The following LGALS8 variants were observed in gnomAD, a reference collection of about 807,000 sequenced individuals.
The protein encoded by LGALS8 is galectin-8.
In LGALS8, 30 loss-of-function variants were observed where a neutral mutation model predicts 35.9. The ratio of observed to expected loss-of-function variants is 0.83; its 90% CI spans 0.62 to 1.13. LGALS8 has a LOEUF of 1.13. LGALS8 is among the 50% of genes most tolerant of loss of function. The pLI, the probability that LGALS8 is intolerant of heterozygous loss-of-function variation, is 0.00. For synonymous variants in LGALS8, 138 were observed against 136.1 expected (o/e 1.01, Z -0.10); for missense variants, 366 against 388.7 (o/e 0.94, Z 0.49).
chr1:236,545,858 G>T (rs1005700350), intron 9 of LGALS8, among the ~76,000 whole-genome samples: 8 of 152,128 alleles, frequency 5.3e-5, no homozygotes, highest in Non-Finnish European at 1.2e-4. Flanking sequence ...TTTAGGGCAT[G>T]ATTTGAACAA....
Position 236,526,898 on chromosome 1 carries a change from G to C in LGALS8, c.45+783G>C, listed in dbSNP as rs1660845085. 6.6e-6 allele frequency among the ~76,000 whole-genome samples: 1 copy of C among 152,098 alleles called. No individual in the cohort carries two copies. The highest frequency in any genetic ancestry group is 2.1e-4 in the South Asian group (1 of 4,826). ...TCAAGTTTTTGTCATTTACTTTATA[G>C]CTGTATTTCCTTTTTCCCTAAGTTT... On this transcript the variant is annotated intron_variant, in intron 2 of 9. Coordinates refer to ENST00000366584, the MANE Select transcript of LGALS8 (RefSeq NM_201544.4). This position sits in a 1 kb window ranked among gnomAD's most constrained non-coding sequence, Gnocchi z 4.6.
In LGALS8 at chr1:236,551,870, C is replaced by G. The variant is rs188537250; in HGVS notation, c.*3709C>G. 2.7e-4 allele frequency: 172 copies of G among 645,950 alleles called. No individual in the cohort carries two copies. In the African/African-American group the frequency reaches 2.8e-3, roughly 11 times the overall value. 40.0% of individuals were successfully genotyped at this position (645,950 alleles called of 1,614,324 possible). On this transcript the variant is annotated 3_prime_UTR_variant, in exon 10 of 10. Transcript: ENST00000366584. ...TGCCTGTATTTGAGACTGGAGCTGCCTGTATGAGGACTGGATCAACTGCTA... is the reference window on the plus strand; with the variant it reads ...TGCCTGTATTTGAGACTGGAGCTGCGTGTATGAGGACTGGATCAACTGCTA...
chr1:236,546,940 T>A (rs1470553684), intron 9 of LGALS8, among the ~76,000 whole-genome samples: 1 of 149,850 alleles, frequency 6.7e-6, no homozygotes, highest in Non-Finnish European at 1.5e-5. Context: ...GGCCAGCTGT[T>A]ATCAGAGTGC....
chr1:236,549,848 T>G lies in LGALS8; in HGVS notation c.*1687T>G, dbSNP rs1435795798. 1 of 152,228 alleles carries G rather than the reference T, an allele frequency of 6.6e-6. No individual in the cohort carries two copies. Among genetic ancestry groups the G allele is most frequent in the African/African-American group, 2.4e-5 (1 of 41,468 alleles). The allele number at this position is 152,228 out of a possible 1,614,324, so 9.4% of individuals were successfully genotyped here. ...AAAAAAATTTAAAAAGCTATTAGTA[T>G]TTATTAATGAATTTTACTGAGACAT... On this transcript the variant is annotated 3_prime_UTR_variant, in exon 10 of 10. Coordinates refer to ENST00000366584, the MANE Select transcript of LGALS8 (RefSeq NM_201544.4).
intron 7 of LGALS8, 198 bp downstream of exon 7, chr1:236,542,985 C>T (rs1662108793): frequency 3.7e-6 from 6 of 1,614,078 alleles, no homozygotes; most frequent in Non-Finnish European, 5.1e-6. Flanking sequence ...AAAGATTCGA[C>T]TGTCAATCAC....
upstream of LGALS8, chr1:236,523,813 G>T (rs1660636704): frequency 2.9e-6 from 1 of 348,610 alleles, no homozygotes; most frequent in Non-Finnish European, 5.7e-6. Flanking sequence ...GGCCGAGCTG[G>T]GTGGCGATCA....
intron 7 of LGALS8, chr1:236,543,023 A>G (rs756381101): frequency 6.2e-7 from 1 of 1,614,138 alleles, no homozygotes; most frequent in Non-Finnish European, 8.5e-7. Flanking sequence ...AATACCACCT[A>G]TGAACTATGT....
At chr1:236,537,671 C>A in intron 3 of LGALS8, 86 bp downstream of exon 3, 2 of 994,848 alleles carry the variant, frequency 2.0e-6, no homozygotes, top group Non-Finnish European at 3.2e-6. Flanking sequence ...CGGGAGAGAC[C>A]ATTTGATACT....
upstream of LGALS8, among the ~76,000 whole-genome samples, chr1:236,520,270 T>C (rs926450538): frequency 6.6e-6 from 1 of 151,942 alleles, no homozygotes; most frequent in Non-Finnish European, 1.5e-5. Context: ...ATTTTTGTTT[T>C]CGTAATTTTA....
rs1662732339 is a variant in LGALS8 at position 236,551,322 on chromosome 1, A to G, written c.*3161A>G. On this transcript the variant is annotated 3_prime_UTR_variant, in exon 10 of 10. Transcript: ENST00000366584. ...AGAATGTACTTTTGTAGCTTAGATA[A>G]GCAATGAATCAGTAAAGGACTGATC... 3 of 281,570 alleles carry G rather than the reference A, an allele frequency of 1.1e-5. No homozygotes were observed. The highest frequency in any genetic ancestry group is 2.0e-5 in the Non-Finnish European group (3 of 148,976). 17.4% of individuals were successfully genotyped at this position (281,570 alleles called of 1,614,324 possible). A position where few individuals can be genotyped will look rare whatever the true frequency, so the allele number is the denominator to read the frequency against.
intron 3 of LGALS8, among the ~76,000 whole-genome samples, chr1:236,538,049 G>C (rs1411394782): frequency 7.4e-6 from 1 of 135,152 alleles, no homozygotes; most frequent in Non-Finnish European, 1.5e-5. Context: ...AGGTTGCAGT[G>C]AGCTGTGATC....
chr1:236,537,896 G>A (rs1466296652), intron 3 of LGALS8, among the ~76,000 whole-genome samples: 1 of 148,348 alleles, frequency 6.7e-6, no homozygotes, highest in Admixed American at 6.8e-5. Context: ...CCAGGAGTTT[G>A]AGACCAGCCT....
At chr1:236,530,980 TTGTGTA>T (rs1435166135) in intron 2 of LGALS8, among the ~76,000 whole-genome samples, 1 of 152,224 alleles carries the variant, frequency 6.6e-6, no homozygotes, top group Non-Finnish European at 1.5e-5. Context: ...AGTGTGTGTG[TTGTGTA>T]TATCACCTTT....
chr1:236,519,551 T>C (rs1300928623), upstream of LGALS8, among the ~76,000 whole-genome samples: 1 of 152,194 alleles, frequency 6.6e-6, no homozygotes. Context: ...GGCAAATAAT[T>C]GGCAATATCT....
rs1280393844 is a variant in LGALS8 at position 236,540,467 on chromosome 1, CTG to C, written c.346-96_346-95del. On this transcript the variant is annotated intron_variant, in intron 4 of 9. Transcript: ENST00000366584. ...GAGACCTGTGGGAACAGGTATAAAA[CTG>C]GACGCAAGGAAACATTTAAATTTGG... 1.7e-5 allele frequency: 23 copies of C among 1,366,066 alleles called. No individual in the cohort carries two copies. The Admixed American group carries it at 6.2e-4, about 37-fold the overall frequency. 84.6% of individuals were successfully genotyped at this position (1,366,066 alleles called of 1,614,324 possible). A position where few individuals can be genotyped will look rare whatever the true frequency, so the allele number is the denominator to read the frequency against.
intron 5 of LGALS8, 95 bp downstream of exon 5, chr1:236,540,778 A>G: frequency 7.9e-7 from 1 of 1,272,744 alleles, no homozygotes; most frequent in Non-Finnish European, 1.1e-6. Flanking sequence ...TTGACATAAA[A>G]AGGACGTATC....
chr1:236,519,766 T>C (rs1398160662), upstream of LGALS8, among the ~76,000 whole-genome samples: 1 of 152,148 alleles, frequency 6.6e-6, no homozygotes, highest in Non-Finnish European at 1.5e-5. Context: ...ATGGAAGTTA[T>C]GTACAAAAAT....
chr1:236,543,526 A>T, intron 7 of LGALS8, 34 bp from the exon 8 acceptor site: 1 of 1,484,480 alleles, frequency 6.7e-7, no homozygotes, highest in Non-Finnish European at 9.4e-7. Context: ...CGCTTTCTGC[A>T]GGCCTCTTGG....
intron 1 of LGALS8, among the ~76,000 whole-genome samples, chr1:236,524,957 T>C (rs190237971): frequency 6.6e-6 from 1 of 152,156 alleles, no homozygotes; most frequent in Non-Finnish European, 1.5e-5. Flanking sequence ...AATGACAGAA[T>C]TGCTGGAAGT....
Sources: allele counts gnomAD v4.1 joint callset (sites outside exome capture counted in the v4.1 genomes callset), GRCh38; gene constraint gnomAD v4.1.1; non-coding constraint Gnocchi (gnomAD v3.1); transcripts MANE v1.5; gene names NCBI Gene and HGNC (gene_info 2026-07-23, HGNC 2026-07-21).